Variants in CPD observed in about 807,000 individuals in gnomAD.
CPD encodes the protein carboxypeptidase D, also known as metallocarboxypeptidase D.
CPD carries 69 observed loss-of-function variants against 138.3 expected under a neutral mutation model. That is an observed-to-expected ratio of 0.50 (90% CI 0.41 to 0.61). The LOEUF (loss-of-function observed/expected upper bound fraction) is 0.61, where lower values mean the gene tolerates loss of function less well. Among genes scored for constraint, CPD ranks in the 20% least tolerant of loss-of-function variants. The probability of loss-of-function intolerance (pLI) is 0.00; values close to 1 mark genes in which losing one functional copy is unlikely to be tolerated. For synonymous variants in CPD, 651 were observed against 642.1 expected (o/e 1.01, Z -0.21); for missense variants, 1,432 against 1,733.3 (o/e 0.83, Z 3.09).
At chr17:30,436,121 A>G (rs1912692872) in intron 8 of CPD, among the ~76,000 whole-genome samples, 1 of 152,190 alleles carries the variant, frequency 6.6e-6, no homozygotes, top group African/African-American at 2.4e-5. Context: ...ACACAACTCA[A>G]TCCATAACAT....
chr17:30,419,504 T>A (rs2143407466), intron 2 of CPD, among the ~76,000 whole-genome samples: 1 of 152,250 alleles, frequency 6.6e-6, no homozygotes, highest in South Asian at 2.1e-4. Flanking sequence ...CACACCCAGC[T>A]AATTTTTTGT....
intron 14 of CPD, among the ~76,000 whole-genome samples, chr17:30,453,726 G>A (rs1477652421): frequency 6.6e-6 from 1 of 152,210 alleles, no homozygotes; most frequent in African/African-American, 2.4e-5. Context: ...TCTCCATGAG[G>A]GGCCTGCCCC....
At chr17:30,382,681 G>A (rs1911078745) in intron 1 of CPD, among the ~76,000 whole-genome samples, 4 of 152,228 alleles carry the variant, frequency 2.6e-5, no homozygotes, top group Admixed American at 2.6e-4. Context: ...TTTCTGAGAA[G>A]TGTTGGAAGA....
intron 2 of CPD, among the ~76,000 whole-genome samples, chr17:30,415,210 A>G (rs1465358143): frequency 6.6e-6 from 1 of 152,134 alleles, no homozygotes; most frequent in African/African-American, 2.4e-5. Context: ...CTCCACTACC[A>G]CCAACCTAGT....
intron 2 of CPD, among the ~76,000 whole-genome samples, chr17:30,395,498 G>A (rs908211921): frequency 4.6e-5 from 7 of 151,992 alleles, no homozygotes; most frequent in African/African-American, 1.7e-4. Context: ...TTGGAGTCAC[G>A]AGTTGGCTTT....
rs762735205 is a variant in CPD, at chr17:30,442,452, T to TA, written c.2373+2_2373+3insA. On this transcript the variant is annotated splice_region_variant and intron_variant, in intron 10 of 20. Coordinates refer to ENST00000225719, the MANE Select transcript of CPD (RefSeq NM_001304.5). ...TCACTAATCCAGTTTATGAAACAGG[T>TA]GACTATTCAGGAGTGAAGTATGAAA... 6.2e-7 allele frequency: 1 copy of TA among 1,612,908 alleles called. No homozygotes were observed. The highest frequency in any genetic ancestry group is 1.1e-5 in the South Asian group (1 of 91,010).
intron 7 of CPD, 99 bp downstream of exon 7, chr17:30,427,657 G>T: frequency 9.3e-7 from 1 of 1,077,732 alleles, no homozygotes. Flanking sequence ...TTCTTAAAAT[G>T]AGTATCCTGT....
chr17:30,385,225 A>G lies in CPD; in HGVS notation c.983A>G (p.Tyr328Cys), dbSNP rs367857380. Residue 328 changes from tyrosine (Y) to cysteine (C), a missense_variant, in exon 2 of 21, where the codon TAT becomes TGT. By Grantham distance (194) the Tyr-to-Cys change is radical. Around this residue, in one of 6 missense-constraint regions of CPD, gnomAD observed 484 missense variants for 477.2 expected, o/e 1.01. Transcript: ENST00000225719. ...KDGITNGAHW[Y>C]DVEGGMQDYN... ...GGAATCACAAACGGCGCACATTGGT[A>G]TGATGTGGAAGGTATGCAAAGCATT... The G allele has an allele frequency of 4.6e-5, 74 of 1,613,880 alleles. No individual in the cohort carries two copies. The highest frequency in any genetic ancestry group is 6.1e-5 in the Non-Finnish European group (72 of 1,179,900).
intron 1 of CPD, chr17:30,380,621 G>C (rs1911014688): frequency 1.3e-6 from 2 of 1,516,670 alleles, no homozygotes; most frequent in South Asian, 1.2e-5. Context: ...TAAAACAAGA[G>C]AATGTTATAA....
intron 2 of CPD, among the ~76,000 whole-genome samples, chr17:30,388,431 C>A (rs1911255846): frequency 6.6e-6 from 1 of 152,236 alleles, no homozygotes; most frequent in African/African-American, 2.4e-5. Context: ...AGTCCCCAAC[C>A]TTGGTTCCCT....
chr17:30,458,268 T>C (rs1367955770), intron 17 of CPD, among the ~76,000 whole-genome samples: 1 of 152,214 alleles, frequency 6.6e-6, no homozygotes, highest in South Asian at 2.1e-4. Context: ...ATCAGATACA[T>C]GATTTGCAAG....
chr17:30,428,382 T>C (rs1202902652), intron 7 of CPD, among the ~76,000 whole-genome samples: 1 of 152,212 alleles, frequency 6.6e-6, no homozygotes, highest in Non-Finnish European at 1.5e-5. Flanking sequence ...GAATGTTCAA[T>C]GTACATGAAC....
intron 2 of CPD, among the ~76,000 whole-genome samples, chr17:30,400,652 C>CTTTTTTTTTTTTTT (rs34301387): frequency 3.5e-5 from 2 of 57,578 alleles, no homozygotes; most frequent in African/African-American, 7.8e-5. Flanking sequence ...TGCCATCATT[C>CTTTTTTTTTTTTTT]TTTTTTTTTT....
intron 1 of CPD, chr17:30,380,469 T>G: frequency 7.7e-7 from 1 of 1,291,310 alleles, no homozygotes; most frequent in Non-Finnish European, 9.8e-7. Context: ...CTGAAGGGTT[T>G]GTGATGTCAT....
chr17:30,380,840 C>G (rs2143291495), intron 1 of CPD, among the ~76,000 whole-genome samples: 1 of 152,298 alleles, frequency 6.6e-6, no homozygotes, highest in African/African-American at 2.4e-5. Context: ...CTGAAGTGAG[C>G]AGGCATCTCT....
chr17:30,396,793 C>G (rs1911520841), intron 2 of CPD, among the ~76,000 whole-genome samples: 1 of 151,994 alleles, frequency 6.6e-6, no homozygotes, highest in African/African-American at 2.4e-5. Flanking sequence ...TGGTAGGTTT[C>G]TTTCTTTCCT....
At chr17:30,383,808 A>C (rs925122471) in intron 1 of CPD, among the ~76,000 whole-genome samples, 1 of 152,152 alleles carries the variant, frequency 6.6e-6, no homozygotes, top group African/African-American at 2.4e-5. Context: ...TAATTTCAAC[A>C]ACAGAAAGGC....
chr17:30,428,476 G>A (rs1473719360), intron 7 of CPD, among the ~76,000 whole-genome samples: 1 of 152,100 alleles, frequency 6.6e-6, no homozygotes, highest in Non-Finnish European at 1.5e-5. Context: ...ATAAAATGTG[G>A]TCTGTCCTTA....
intron 11 of CPD, 172 bp downstream of exon 11, chr17:30,444,143 C>CA: frequency 2.1e-5 from 9 of 428,432 alleles, no homozygotes; most frequent in South Asian, 1.6e-4. Flanking sequence ...ATAGAGTACA[C>CA]GAAAAAAAAA....
Sources: gnomAD v4.1 joint callset for allele counts (sites outside exome capture counted in the v4.1 genomes callset) on GRCh38, gnomAD v4.1.1 for gene constraint, gnomAD v4.1.1 regional missense constraint, MANE v1.5 for transcripts, NCBI Gene and HGNC (gene_info 2026-07-23, HGNC 2026-07-21) for gene names.